The following FBLN5 variants were observed in gnomAD, a reference collection of about 807,000 sequenced individuals.
The protein encoded by FBLN5 is fibulin 5.
In FBLN5, 24 loss-of-function variants were observed where a neutral mutation model predicts 61.6. The ratio of observed to expected loss-of-function variants is 0.39; its 90% CI spans 0.28 to 0.55. FBLN5 has a LOEUF of 0.55. FBLN5 is among the 20% of genes least tolerant of loss of function. The probability of loss-of-function intolerance (pLI) is 0.65; values close to 1 mark genes in which losing one functional copy is unlikely to be tolerated. For synonymous variants in FBLN5, 213 were observed against 219.8 expected, an observed-to-expected ratio of 0.97 and a Z score of 0.27; for missense variants, 470 against 594.1, an observed-to-expected ratio of 0.79 and a Z score of 2.17.
At chr14:91,875,299 C>T (rs1889115106) in intron 10 of FBLN5, among the ~76,000 whole-genome samples, 1 of 152,214 alleles carries the variant, frequency 6.6e-6, no homozygotes, top group South Asian at 2.1e-4. Flanking sequence ...AGCTGCCCCA[C>T]ACCATAGAGA....
At chr14:91,887,395 A>C in intron 6 of FBLN5, 83 bp from the exon 7 acceptor site, 1 of 1,407,924 alleles carries the variant, frequency 7.1e-7, no homozygotes, top group African/African-American at 1.4e-5. Flanking sequence ...CCAGCAACGA[A>C]ATCTACCACC....
At chr14:91,881,104 C>T (rs1418411038) in intron 9 of FBLN5, among the ~76,000 whole-genome samples, 188 bp downstream of exon 9, 3 of 143,766 alleles carry the variant, frequency 2.1e-5, no homozygotes, top group East Asian at 4.1e-4. Flanking sequence ...TCTATCTATT[C>T]TACTCTGTTC....
intron 6 of FBLN5, 131 bp downstream of exon 6, chr14:91,891,090 G>A: frequency 1.4e-6 from 1 of 729,972 alleles, no homozygotes; most frequent in South Asian, 1.4e-5. Context: ...TAATGGGGAT[G>A]GGCGGGCAGT....
intron 7 of FBLN5, among the ~76,000 whole-genome samples, chr14:91,886,554 T>A (rs1021667793): frequency 6.6e-6 from 1 of 152,202 alleles, no homozygotes; most frequent in African/African-American, 2.4e-5. Flanking sequence ...TTGGAAGGAA[T>A]TTATAAAAGG....
At chr14:91,925,307 C>T (rs993045400) in intron 4 of FBLN5, among the ~76,000 whole-genome samples, 4 of 152,118 alleles carry the variant, frequency 2.6e-5, no homozygotes, top group South Asian at 4.1e-4. Context: ...CCCTCTGGCC[C>T]GGCTCCGACA....
rs1230025993 is a variant in FBLN5 at position 91,943,711 on chromosome 14, AG to A, written c.18-751del. On this transcript the variant is annotated intron_variant, in intron 1 of 10. Coordinates refer to ENST00000342058, the MANE Select transcript of FBLN5 (RefSeq NM_006329.4). This position sits in a 1 kb window ranked among gnomAD's most constrained non-coding sequence, Gnocchi z 4.0. ...AGGCACTTTGAGTGGCACCAAAGAA[AG>A]GTGTCACAGGAAGTCACTGAACCAG... 1.3e-5 allele frequency among the ~76,000 whole-genome samples: 2 copies of A among 152,340 alleles called. No homozygotes were observed. Among genetic ancestry groups the A allele is most frequent in the African/African-American group, 4.8e-5 (2 of 41,576 alleles).
At chr14:91,884,516 C>A (rs1325063321) in intron 7 of FBLN5, among the ~76,000 whole-genome samples, 1 of 152,226 alleles carries the variant, frequency 6.6e-6, no homozygotes, top group African/African-American at 2.4e-5. Flanking sequence ...ATTCTCACCT[C>A]AACCCCATGA....
chr14:91,914,501 A>C (rs962159973), intron 4 of FBLN5, among the ~76,000 whole-genome samples: 8 of 125,206 alleles, frequency 6.4e-5, no homozygotes, highest in East Asian at 2.3e-4. Context: ...AAAAAAAAAA[A>C]CAACAAATAT....
intron 3 of FBLN5, among the ~76,000 whole-genome samples, chr14:91,937,634 AAG>A (rs1230444747): frequency 3.3e-5 from 5 of 152,154 alleles, no homozygotes; most frequent in Admixed American, 6.5e-5. Flanking sequence ...TAAGAAGAGG[AAG>A]AGAGACCTCA....
At chr14:91,883,601 T>C (rs775032107) in intron 7 of FBLN5, among the ~76,000 whole-genome samples, 13 of 123,654 alleles carry the variant, frequency 1.1e-4, no homozygotes, top group Non-Finnish European at 1.9e-4. Flanking sequence ...TTAAGGGACA[T>C]ATCCAAAAGG....
At chr14:91,939,371 T>C (rs2140051194) in intron 3 of FBLN5, among the ~76,000 whole-genome samples, 1 of 147,066 alleles carries the variant, frequency 6.8e-6, no homozygotes, top group South Asian at 2.2e-4. Flanking sequence ...ACAGAGTCTC[T>C]CTCTGTTGCC....
Position 91,937,108 on chromosome 14 carries a change from T to A in FBLN5, c.218A>T (p.Asn73Ile). 6.2e-7 allele frequency: 1 copy of A among 1,613,866 alleles called. No individual in the cohort carries two copies. Among genetic ancestry groups the A allele is most frequent in the Admixed American group, 1.7e-5 (1 of 59,970 alleles). Residue 73 changes from asparagine (N) to isoleucine (I), a missense_variant, in exon 4 of 11, where the codon AAC becomes ATC. Coordinates refer to ENST00000342058, the MANE Select transcript of FBLN5 (RefSeq NM_006329.4). ...NGGYLCIPRT[N>I]PVYRGPYSNP... ...CGAGTAGGGCCCTCGATACACAGGG[T>A]TTGTCCGGGGAATGCATAAATACCC...
intron 4 of FBLN5, among the ~76,000 whole-genome samples, chr14:91,929,211 T>C (rs1390834821): frequency 1.3e-5 from 2 of 151,868 alleles, no homozygotes; most frequent in South Asian, 4.2e-4. Context: ...TTTTGAAGGT[T>C]TCAAAACATT....
intron 4 of FBLN5, 140 bp from the exon 5 acceptor site, chr14:91,895,212 C>G (rs1304577998): frequency 1.1e-6 from 1 of 923,092 alleles, no homozygotes; most frequent in African/African-American, 1.6e-5. Context: ...GGCAGTGCTT[C>G]CCCGATGGGC....
At chr14:91,934,703 A>G (rs1030024708) in intron 4 of FBLN5, among the ~76,000 whole-genome samples, 4 of 152,040 alleles carry the variant, frequency 2.6e-5, no homozygotes, top group Non-Finnish European at 5.9e-5. Context: ...AAACACCCAC[A>G]TTCTCTGGGC....
Position 91,870,265 on chromosome 14 carries a change from C to A in FBLN5, c.1306G>T (p.Val436Leu). Residue 436 changes from valine to leucine, a missense_variant, in exon 11 of 11, where the codon GTG becomes TTG. Val to Leu is a conservative substitution (Grantham distance 32, BLOSUM62 1). Coordinates refer to ENST00000342058, the MANE Select transcript of FBLN5 (RefSeq NM_006329.4). The stretch of plus-strand genomic sequence containing the variant: ...GACACATATATCCGCAGTCGGATCA[C>A]GGAGCTGCCTCTGAAGTTGATGACA... ...NTVINFRGSSVIRLRIYVSQY... is the reference protein window; with the variant it reads ...NTVINFRGSSLIRLRIYVSQY... The A allele has an allele frequency of 6.2e-7, 1 of 1,614,240 alleles. No individual in the cohort carries two copies. The highest frequency in any genetic ancestry group is 8.5e-7 in the Non-Finnish European group (1 of 1,180,034).
At chr14:91,940,448 T>C (rs2056087808) in intron 3 of FBLN5, 117 bp downstream of exon 3, 2 of 881,082 alleles carry the variant, frequency 2.3e-6, no homozygotes, top group Admixed American at 1.9e-5. Flanking sequence ...AGTCATTCCA[T>C]GTCACTGTAT....
chr14:91,870,614 A>G (rs1888878056), intron 10 of FBLN5, among the ~76,000 whole-genome samples: 1 of 152,230 alleles, frequency 6.6e-6, no homozygotes, highest in Non-Finnish European at 1.5e-5. Flanking sequence ...CTGGTTCCCC[A>G]ATCTAAGTCA....
Position 91,908,310 on chromosome 14 carries a change from CA to C in FBLN5, c.380-13239del, listed in dbSNP as rs1424998311. On this transcript the variant is annotated intron_variant, in intron 4 of 10. Coordinates refer to ENST00000342058, the MANE Select transcript of FBLN5 (RefSeq NM_006329.4). ...AAGTCACCAATGGCCTCCTCAATGA[CA>C]AATCCAACAATCCTTTCTCATTCCC... Among the ~76,000 whole-genome samples, 3 of 152,212 alleles carry C rather than the reference CA, an allele frequency of 2.0e-5. No individual in the cohort carries two copies. In the East Asian group the frequency reaches 5.8e-4, roughly 29 times the overall value.
Sources: allele counts gnomAD v4.1 joint callset (sites outside exome capture counted in the v4.1 genomes callset), GRCh38; gene constraint gnomAD v4.1.1; non-coding constraint Gnocchi (gnomAD v3.1); transcripts MANE v1.5; gene names NCBI Gene and HGNC (gene_info 2026-07-23, HGNC 2026-07-21).